The following SNTA1 variants were observed in gnomAD, a reference collection of about 807,000 sequenced individuals.
The protein encoded by SNTA1 is alpha-1-syntrophin.
In SNTA1, 31 loss-of-function variants were observed where a neutral mutation model predicts 47.1. That is an observed-to-expected ratio of 0.66 (90% CI 0.49 to 0.89). SNTA1 has a LOEUF of 0.89. Among genes scored for constraint, SNTA1 ranks in the 40% least tolerant of loss-of-function variants. SNTA1 has a pLI of 0.00. For missense variants in SNTA1, 575 were observed against 693.0 expected, an observed-to-expected ratio of 0.83 and a Z score of 1.91; for synonymous variants, 300 against 313.6, an observed-to-expected ratio of 0.96 and a Z score of 0.46.
Position 33,407,993 on chromosome 20 carries a change from T to C in SNTA1, c.*514A>G, listed in dbSNP as rs1989635362. Reference sequence around the variant, plus strand: ...GCTGCCTGTGTGCTCACAGGCTGTTTATTTATCCAAGAGTAAGGAGGAGAG... The same window carrying C: ...GCTGCCTGTGTGCTCACAGGCTGTTCATTTATCCAAGAGTAAGGAGGAGAG... On this transcript the variant is annotated 3_prime_UTR_variant, in exon 8 of 8. Transcript: ENST00000217381. 5.0e-6 allele frequency: 1 copy of C among 201,854 alleles called. No homozygotes were observed. Among genetic ancestry groups the C allele is most frequent in the Non-Finnish European group, 1.0e-5 (1 of 97,172 alleles). 12.5% of individuals were successfully genotyped at this position (201,854 alleles called of 1,614,324 possible).
intron 2 of SNTA1, among the ~76,000 whole-genome samples, chr20:33,433,405 C>T (rs1990360949): frequency 6.6e-6 from 1 of 151,710 alleles, no homozygotes; most frequent in African/African-American, 2.4e-5. Flanking sequence ...GCTGGGATTA[C>T]AGGCGCGTGT....
intron 3 of SNTA1, among the ~76,000 whole-genome samples, chr20:33,416,099 C>G (rs541434840): frequency 6.6e-6 from 1 of 152,330 alleles, no homozygotes; most frequent in East Asian, 1.9e-4. Flanking sequence ...CAGAGCGATA[C>G]TCCGTCTCAA....
rs1372997181 is a variant in SNTA1, at chr20:33,443,717, G to A, written c.-97C>T. The stretch of plus-strand genomic sequence containing the variant: ...CCAGGGCAGAGGGCAGCGGGGGCCC[G>A]GCTGGGCCAGCCGCCACCCTACCCC... On this transcript the variant is annotated 5_prime_UTR_variant, in exon 1 of 8. Coordinates refer to ENST00000217381, the MANE Select transcript of SNTA1 (RefSeq NM_003098.3). 5 of 763,322 alleles carry A rather than the reference G, an allele frequency of 6.6e-6. No homozygotes were observed. In the African/African-American group the frequency reaches 7.5e-5, roughly 11 times the overall value. 47.3% of individuals were successfully genotyped at this position (763,322 alleles called of 1,614,324 possible). A position where few individuals can be genotyped will look rare whatever the true frequency, so the allele number is the denominator to read the frequency against.
At chr20:33,443,204 C>A (rs1329681966) in intron 1 of SNTA1, 107 bp downstream of exon 1, 2 of 865,140 alleles carry the variant, frequency 2.3e-6, no homozygotes, top group Admixed American at 6.5e-5. Flanking sequence ...CCCCTTACCC[C>A]CAGACAGGAA....
intron 3 of SNTA1, among the ~76,000 whole-genome samples, chr20:33,414,364 G>A (rs1157288856): frequency 9.2e-5 from 14 of 151,508 alleles, no homozygotes; most frequent in African/African-American, 2.2e-4. Flanking sequence ...AAGCTGAGCC[G>A]GGCAGATCAC....
At chr20:33,441,668 AT>A (rs1389797357) in intron 1 of SNTA1, among the ~76,000 whole-genome samples, 1 of 152,126 alleles carries the variant, frequency 6.6e-6, no homozygotes, top group Non-Finnish European at 1.5e-5. Context: ...AGGAGCCCAG[AT>A]TTGGATCCAA....
intron 5 of SNTA1, among the ~76,000 whole-genome samples, chr20:33,410,873 T>C (rs1232960852): frequency 6.6e-6 from 1 of 152,226 alleles, no homozygotes; most frequent in Non-Finnish European, 1.5e-5. Context: ...ACTAAAACCA[T>C]GCCTGCCCAC....
At chr20:33,419,985 G>A (rs1989980004) in intron 2 of SNTA1, among the ~76,000 whole-genome samples, 1 of 151,832 alleles carries the variant, frequency 6.6e-6, no homozygotes, top group South Asian at 2.1e-4. Flanking sequence ...GTGCAATGGT[G>A]CAGTATTGGC....
intron 1 of SNTA1, among the ~76,000 whole-genome samples, chr20:33,439,839 G>T (rs1312824810): frequency 6.6e-6 from 1 of 151,642 alleles, no homozygotes; most frequent in Non-Finnish European, 1.5e-5. Flanking sequence ...ACAAAAAAGG[G>T]CCAGGTGCGG....
intron 1 of SNTA1, among the ~76,000 whole-genome samples, chr20:33,441,534 G>C (rs546923886): frequency 6.6e-6 from 1 of 152,214 alleles, no homozygotes; most frequent in African/African-American, 2.4e-5. Context: ...GGAGAGGAAG[G>C]GGTTTCTATT....
intron 1 of SNTA1, among the ~76,000 whole-genome samples, chr20:33,442,076 C>T (rs550280043): frequency 1.3e-5 from 2 of 152,156 alleles, no homozygotes; most frequent in South Asian, 4.1e-4. Flanking sequence ...ACTATGTAAT[C>T]GTGGGAAAAT....
rs771836918 is a variant in SNTA1, at chr20:33,408,632, C to T, written c.1426-33G>A. The T allele has an allele frequency of 4.3e-6, 7 of 1,610,404 alleles. No individual in the cohort carries two copies. In the African/African-American group the frequency reaches 8.0e-5, roughly 18 times the overall value. The stretch of plus-strand genomic sequence containing the variant: ...GTGGATGGAGAGAAGAGTCAGGGCC[C>T]TGGCCAGCCTGGCCTCCGAGAGTGC... On this transcript the variant is annotated intron_variant, in intron 7 of 7. Coordinates refer to ENST00000217381, the MANE Select transcript of SNTA1 (RefSeq NM_003098.3).
intron 3 of SNTA1, among the ~76,000 whole-genome samples, chr20:33,416,814 G>A (rs1347645057): frequency 3.3e-5 from 5 of 151,728 alleles, no homozygotes; most frequent in Non-Finnish European, 7.4e-5. Flanking sequence ...GGTGGCAGGC[G>A]CCCGTAATCC....
chr20:33,443,703 G>A lies in SNTA1; in HGVS notation c.-83C>T. 1 of 880,124 alleles carries A rather than the reference G, an allele frequency of 1.1e-6. No homozygotes were observed. Among genetic ancestry groups the A allele is most frequent in the Non-Finnish European group, 1.4e-6 (1 of 698,980 alleles). The allele number at this position is 880,124 out of a possible 1,614,324, so 54.5% of individuals were successfully genotyped here. A position where few individuals can be genotyped will look rare whatever the true frequency, so the allele number is the denominator to read the frequency against. ...CTCCGACCAAGCGCCCAGGGCAGAG[G>A]GCAGCGGGGGCCCGGCTGGGCCAGC... On this transcript the variant is annotated 5_prime_UTR_variant, in exon 1 of 8. Coordinates refer to ENST00000217381, the MANE Select transcript of SNTA1 (RefSeq NM_003098.3).
intron 2 of SNTA1, among the ~76,000 whole-genome samples, chr20:33,421,076 G>A (rs1990007010): frequency 6.6e-6 from 1 of 152,002 alleles, no homozygotes; most frequent in Admixed American, 6.6e-5. Context: ...AAGAGGCTGA[G>A]GCAGGAGGAT....
chr20:33,411,051 T>C (rs1007977066), intron 5 of SNTA1, among the ~76,000 whole-genome samples: 5 of 152,134 alleles, frequency 3.3e-5, no homozygotes, highest in South Asian at 2.1e-4. Flanking sequence ...GCAGCTTGAC[T>C]CTCACTTGCT....
chr20:33,434,982 CTTTTTTTTTTTTT>C (rs11475592), intron 2 of SNTA1, among the ~76,000 whole-genome samples: 2 of 55,186 alleles, frequency 3.6e-5, no homozygotes, highest in Non-Finnish European at 6.6e-5. Flanking sequence ...CAGGCACCAG[CTTTTTTTTTTTTT>C]TTTTTTTTTT....
At chr20:33,434,139 T>G (rs1249176518) in intron 2 of SNTA1, among the ~76,000 whole-genome samples, 1 of 152,118 alleles carries the variant, frequency 6.6e-6, no homozygotes, top group East Asian at 1.9e-4. Context: ...GTGATTCAAC[T>G]CCGGGGAAAC....
intron 2 of SNTA1, among the ~76,000 whole-genome samples, chr20:33,418,664 G>A (rs745912090): frequency 1.3e-5 from 2 of 151,592 alleles, no homozygotes; most frequent in Non-Finnish European, 2.9e-5. Context: ...GTGGTGGCTC[G>A]CACCTGTAAT....
Sources: allele counts gnomAD v4.1 joint callset (sites outside exome capture counted in the v4.1 genomes callset), GRCh38; gene constraint gnomAD v4.1.1; transcripts MANE v1.5; gene names NCBI Gene and HGNC (gene_info 2026-07-23, HGNC 2026-07-21).